The following GTPBP1 variants were observed in gnomAD, a reference collection of about 807,000 sequenced individuals.
GTPBP1 encodes the protein GTP-binding protein 1.
In GTPBP1, 23 loss-of-function variants were observed where a neutral mutation model predicts 62.0. The ratio of observed to expected loss-of-function variants is 0.37; its 90% CI spans 0.27 to 0.53. The LOEUF is 0.53. Among genes scored for constraint, GTPBP1 ranks in the 20% least tolerant of loss-of-function variants. The pLI is 0.89. For missense variants in GTPBP1, 640 were observed against 917.3 expected (o/e 0.70, Z 3.90); for synonymous variants, 344 against 364.4 (o/e 0.94, Z 0.64).
chr22:38,721,744 G>A lies in GTPBP1; in HGVS notation c.837G>A (p.Val279=). 1 of 1,610,892 alleles carries A rather than the reference G, an allele frequency of 6.2e-7. No individual in the cohort carries two copies. The highest frequency in any genetic ancestry group is 8.5e-7 in the Non-Finnish European group (1 of 1,177,582). The change falls in exon 5 of 12, where the codon GTG becomes GTA. Residue 279 remains valine, a splice_region_variant and synonymous_variant. Transcript: ENST00000216044. The part of the protein sequence containing the change: ...GHLPDFCMLM[V]GSNAGIVGMT... ...ACTTCCTTTCTGTGTTGGGGCAGGT[G>A]GGCAGCAATGCTGGCATCGTGGGGA...
Position 38,727,689 on chromosome 22 carries a change from A to G in GTPBP1, c.1538-294A>G, listed in dbSNP as rs902467350. Among the ~76,000 whole-genome samples, 1 of 152,220 alleles carries G rather than the reference A, an allele frequency of 6.6e-6. No individual in the cohort carries two copies. The highest frequency in any genetic ancestry group is 1.5e-5 in the Non-Finnish European group (1 of 68,036). On this transcript the variant is annotated intron_variant, in intron 9 of 11. Coordinates refer to ENST00000216044, the MANE Select transcript of GTPBP1 (RefSeq NM_004286.5). This position sits in a 1 kb window ranked among gnomAD's most constrained non-coding sequence, Gnocchi z 6.5. ...CAAGGATCCTTCCCCGCAGAAGCCC[A>G]CAGTCCAGCGAGGAGGTGCATGTGC...
rs368975254 is a variant in GTPBP1 at position 38,708,541 on chromosome 22, A to T, written c.193-304A>T. Among the ~76,000 whole-genome samples, 37 of 152,350 alleles carry T rather than the reference A, an allele frequency of 2.4e-4. No homozygotes were observed. In the East Asian group the frequency reaches 6.7e-3, roughly 28 times the overall value. On this transcript the variant is annotated intron_variant, in intron 1 of 11. Coordinates refer to ENST00000216044, the MANE Select transcript of GTPBP1 (RefSeq NM_004286.5). Reference sequence around the variant, plus strand: ...CACTGCGCTTTCTATCCACAGTGCCATATTCTCAGTCACTTGGGTCCTGCC... The same window carrying T: ...CACTGCGCTTTCTATCCACAGTGCCTTATTCTCAGTCACTTGGGTCCTGCC...
At chr22:38,710,951 T>G (rs2092635424) in intron 2 of GTPBP1, among the ~76,000 whole-genome samples, 1 of 152,202 alleles carries the variant, frequency 6.6e-6, no homozygotes, top group Non-Finnish European at 1.5e-5. Context: ...AGACATTTAT[T>G]AACACATCTG....
intron 2 of GTPBP1, among the ~76,000 whole-genome samples, chr22:38,712,180 G>A (rs1223595382): frequency 6.6e-6 from 1 of 152,164 alleles, no homozygotes; most frequent in African/African-American, 2.4e-5. Flanking sequence ...CGGCCAAGGA[G>A]TACTAAGTCT....
chr22:38,728,266 C>A, intron 10 of GTPBP1, 105 bp downstream of exon 10: 1 of 790,404 alleles, frequency 1.3e-6, no homozygotes, highest in Non-Finnish European at 2.1e-6. Context: ...CATGGGAGAG[C>A]TGGACCCACT....
intron 2 of GTPBP1, among the ~76,000 whole-genome samples, chr22:38,714,888 C>T (rs559605101): frequency 1.1e-3 from 165 of 152,192 alleles, no homozygotes; most frequent in African/African-American, 3.8e-3. Flanking sequence ...AAGCAGCTGA[C>T]GGGTTGTCAT....
chr22:38,728,828 C>T (rs1174837065), intron 10 of GTPBP1: 1 of 153,030 alleles, frequency 6.5e-6, no homozygotes, highest in Non-Finnish European at 1.5e-5. Context: ...ACTGTAATGT[C>T]CTCTGGGACT....
rs1441823699 is a variant in GTPBP1, at chr22:38,727,587, T to C, written c.1537+239T>C. On this transcript the variant is annotated intron_variant, in intron 9 of 11. Transcript: ENST00000216044. The surrounding 1 kb of genome is among the most constrained non-coding windows in gnomAD (Gnocchi z 6.5). The stretch of plus-strand genomic sequence containing the variant: ...CCTCAGGGACCTCACATGCAATCCT[T>C]CAGCAAGGTCTGCTGAACGCTGCTA... Among the ~76,000 whole-genome samples the C allele has an allele frequency of 6.6e-6, 1 of 152,146 alleles. No individual in the cohort carries two copies. Among genetic ancestry groups the C allele is most frequent in the Non-Finnish European group, 1.5e-5 (1 of 68,020 alleles).
chr22:38,714,543 G>T lies in GTPBP1; in HGVS notation c.305-1364G>T, dbSNP rs181823744. ...ACAACTGCGGTTTCTTCTGTAGTGG[G>T]CAGATTCCCATTGAGTAGATGGTGG... On this transcript the variant is annotated intron_variant, in intron 2 of 11. Coordinates refer to ENST00000216044, the MANE Select transcript of GTPBP1 (RefSeq NM_004286.5). Among the ~76,000 whole-genome samples the T allele has an allele frequency of 4.5e-3, 677 of 152,010 alleles. 2 individuals are homozygous for T. Among genetic ancestry groups the T allele is most frequent in the Non-Finnish European group, 7.8e-3 (530 of 67,988 alleles).
chr22:38,714,042 G>C (rs1267781789), intron 2 of GTPBP1, among the ~76,000 whole-genome samples: 2 of 152,222 alleles, frequency 1.3e-5, no homozygotes, highest in Admixed American at 6.5e-5. Context: ...AAGAGCGGGG[G>C]ACGGGGTGGG....
chr22:38,714,048 G>A (rs1284551715), intron 2 of GTPBP1, among the ~76,000 whole-genome samples: 1 of 152,200 alleles, frequency 6.6e-6, no homozygotes, highest in Admixed American at 6.5e-5. Context: ...GGGGGACGGG[G>A]TGGGGAGGCA....
downstream of GTPBP1, chr22:38,738,143 C>T (rs1238912268): frequency 2.5e-6 from 4 of 1,606,334 alleles, no homozygotes; most frequent in East Asian, 2.2e-5. The surrounding 1 kb of genome is among the most constrained non-coding windows in gnomAD (Gnocchi z 6.6). Context: ...GAGTCTGCGC[C>T]ACTTCTGCTA....
chr22:38,721,940 A>G, intron 5 of GTPBP1, 75 bp downstream of exon 5: 3 of 1,110,456 alleles, frequency 2.7e-6, no homozygotes, highest in Non-Finnish European at 3.7e-6. Context: ...GTGGTCTGCT[A>G]CCACGGCTTT....
chr22:38,736,089 A>G, downstream of GTPBP1: 1 of 685,226 alleles, frequency 1.5e-6, no homozygotes, highest in Non-Finnish European at 2.7e-6. Flanking sequence ...GGAGCCTGCT[A>G]ACCGCCTCGA....
intron 2 of GTPBP1, 90 bp from the exon 3 acceptor site, chr22:38,715,817 C>T: frequency 9.5e-7 from 1 of 1,053,928 alleles, no homozygotes; most frequent in Non-Finnish European, 1.4e-6. Flanking sequence ...GGGGTGGTGG[C>T]CTTTGTTAGG....
intron 2 of GTPBP1, among the ~76,000 whole-genome samples, chr22:38,715,542 A>G (rs1419868218): frequency 6.6e-6 from 1 of 152,190 alleles, no homozygotes; most frequent in Non-Finnish European, 1.5e-5. Context: ...CCTAGAGTGC[A>G]GCACTTGAGC....
intron 4 of GTPBP1, among the ~76,000 whole-genome samples, chr22:38,719,812 A>C (rs2092690033): frequency 6.6e-6 from 1 of 152,020 alleles, no homozygotes; most frequent in African/African-American, 2.4e-5. Flanking sequence ...TAATATCCTC[A>C]AATATTTAGT....
rs766012711 is a variant in GTPBP1 at position 38,716,313 on chromosome 22, T to C, written c.485+226T>C. On this transcript the variant is annotated intron_variant, in intron 3 of 11. Transcript: ENST00000216044. This position sits in a 1 kb window ranked among gnomAD's most constrained non-coding sequence, Gnocchi z 5.2. ...GCATTCTGTGGCCATTCTCTGTGGG[T>C]GTGTTTCTTTTCCCTTCAGCCTGTG... The C allele has an allele frequency of 9.5e-5, 56 of 587,766 alleles. 2 individuals are homozygous for C. In the South Asian group the frequency reaches 1.2e-3, roughly 12 times the overall value. The allele number at this position is 587,766 out of a possible 1,614,324, so 36.4% of individuals were successfully genotyped here. A position where few individuals can be genotyped will look rare whatever the true frequency, so the allele number is the denominator to read the frequency against.
intron 2 of GTPBP1, among the ~76,000 whole-genome samples, chr22:38,713,318 C>A (rs1396458285): frequency 6.6e-6 from 1 of 152,024 alleles, no homozygotes; most frequent in Admixed American, 6.6e-5. Context: ...GCCTGGGGAG[C>A]CATTCATAAG....
Sources: gnomAD v4.1 joint callset for allele counts (sites outside exome capture counted in the v4.1 genomes callset) on GRCh38, gnomAD v4.1.1 for gene constraint, Gnocchi (gnomAD v3.1) non-coding constraint, MANE v1.5 for transcripts, NCBI Gene and HGNC (gene_info 2026-07-23, HGNC 2026-07-21) for gene names.